PTPRG: variants seen among roughly 807,000 people sequenced by gnomAD.
PTPRG encodes protein tyrosine phosphatase receptor type G.
In PTPRG, 102 loss-of-function variants were observed where a neutral mutation model predicts 165.3. The observed-to-expected ratio is 0.62, with a 90% CI of 0.53 to 0.73. The LOEUF (loss-of-function observed/expected upper bound fraction) is 0.73, where lower values mean the gene tolerates loss of function less well. PTPRG is among the 30% of genes least tolerant of loss of function. PTPRG has a pLI of 0.00. For synonymous variants in PTPRG, 675 were observed against 669.5 expected, an observed-to-expected ratio of 1.01 and a Z score of -0.13; for missense variants, 1,866 against 1,861.4, an observed-to-expected ratio of 1.00 and a Z score of -0.05.
chr3:61,936,310 G>A (rs2039483798), intron 2 of PTPRG, among the ~76,000 whole-genome samples: 1 of 152,220 alleles, frequency 6.6e-6, no homozygotes, highest in Non-Finnish European at 1.5e-5. Flanking sequence ...TCCTCTTTAA[G>A]TGAGGTGAGT....
rs777785938 is a variant in PTPRG at position 62,296,435 on chromosome 3, A to G, written c.*3128A>G. ...TCTTAAATGCATATATACTGTATTT[A>G]AAATTAAAATATAGATACCAATTTA... On this transcript the variant is annotated 3_prime_UTR_variant, in exon 30 of 30. Transcript: ENST00000474889. 6 of 152,010 alleles carry G rather than the reference A, an allele frequency of 3.9e-5. No individual in the cohort carries two copies. Among genetic ancestry groups the G allele is most frequent in the Non-Finnish European group, 5.9e-5 (4 of 67,974 alleles). 9.4% of individuals were successfully genotyped at this position (152,010 alleles called of 1,614,324 possible).
At position 62,219,965 on chromosome 3, in the gene PTPRG, A is replaced by G. The variant is rs969106616; in HGVS notation, c.2288+982A>G. 6.6e-6 allele frequency among the ~76,000 whole-genome samples: 1 copy of G among 152,246 alleles called. No individual in the cohort carries two copies. Among genetic ancestry groups the G allele is most frequent in the Non-Finnish European group, 1.5e-5 (1 of 68,034 alleles). On this transcript the variant is annotated intron_variant, in intron 13 of 29. Coordinates refer to ENST00000474889, the MANE Select transcript of PTPRG (RefSeq NM_002841.4). This position sits in a 1 kb window ranked among gnomAD's most constrained non-coding sequence, Gnocchi z 4.5. ...TTAAATCTGGAAAGGGGAGGGGCCCATGGGGGCCTAGCAGGAGTGTTCAGA... is the reference window on the plus strand; with the variant it reads ...TTAAATCTGGAAAGGGGAGGGGCCCGTGGGGGCCTAGCAGGAGTGTTCAGA...
chr3:62,187,576 C>T (rs897246717), intron 8 of PTPRG, among the ~76,000 whole-genome samples: 2 of 152,196 alleles, frequency 1.3e-5, no homozygotes, highest in African/African-American at 4.8e-5. Flanking sequence ...CTTTGTGCTT[C>T]AAAGGTGGAA....
intron 23 of PTPRG, among the ~76,000 whole-genome samples, chr3:62,274,617 T>C (rs148626665): frequency 3.3e-5 from 5 of 152,176 alleles, no homozygotes; most frequent in Non-Finnish European, 7.4e-5. Flanking sequence ...ATCTACAGTT[T>C]TAGTTTTCAT....
chr3:62,050,040 C>G (rs575138854), intron 4 of PTPRG, among the ~76,000 whole-genome samples: 1 of 152,144 alleles, frequency 6.6e-6, no homozygotes, highest in East Asian at 1.9e-4. Flanking sequence ...TGGATGTTAG[C>G]AGTATCAGAA....
rs751312575 is a variant in PTPRG, at chr3:62,195,219, C to T, written c.1327+49C>T. ...GGCCGGGGTGCCCCTGAGACTCCCT[C>T]CCAATGCTTTCTGCTTCTTCCTGCT... On this transcript the variant is annotated intron_variant, in intron 10 of 29. Coordinates refer to ENST00000474889, the MANE Select transcript of PTPRG (RefSeq NM_002841.4). The surrounding 1 kb of genome is among the most constrained non-coding windows in gnomAD (Gnocchi z 4.4). 29 of 1,489,212 alleles carry T rather than the reference C, an allele frequency of 1.9e-5. No individual in the cohort carries two copies. The highest frequency in any genetic ancestry group is 3.4e-4 in the Middle Eastern group (2 of 5,848). The allele number at this position is 1,489,212 out of a possible 1,614,324, so 92.2% of individuals were successfully genotyped here. A position where few individuals can be genotyped will look rare whatever the true frequency, so the allele number is the denominator to read the frequency against.
At chr3:62,202,012 A>G (rs1045043928) in intron 11 of PTPRG, among the ~76,000 whole-genome samples, 2 of 152,190 alleles carry the variant, frequency 1.3e-5, no homozygotes, top group Non-Finnish European at 2.9e-5. Context: ...TGATAATAAT[A>G]ATAGCCTAAA....
At position 61,728,325 on chromosome 3, in the gene PTPRG, T is replaced by G. The variant is rs572820851; in HGVS notation, c.86-20553T>G. ...AGCTATGCATGGTGGTGCACATTTG[T>G]GATCCCAACACTTTGGAAGGCTGAG... is the stretch of plus-strand genomic sequence containing the variant. On this transcript the variant is annotated intron_variant, in intron 1 of 29. Transcript: ENST00000474889. Among the ~76,000 whole-genome samples, 59 of 152,308 alleles carry G rather than the reference T, an allele frequency of 3.9e-4. 1 individual carries two copies. The highest frequency in any genetic ancestry group is 1.4e-3 in the South Asian group (7 of 4,828).
chr3:62,007,469 A>G (rs138075729), intron 4 of PTPRG, among the ~76,000 whole-genome samples: 8 of 152,352 alleles, frequency 5.3e-5, no homozygotes, highest in South Asian at 4.1e-4. Flanking sequence ...TCAGATTACA[A>G]TGCCATGCCT....
chr3:61,806,290 G>A (rs1312602532), intron 2 of PTPRG, among the ~76,000 whole-genome samples: 1 of 152,118 alleles, frequency 6.6e-6, no homozygotes, highest in Admixed American at 6.6e-5. Flanking sequence ...ATAATGTGTT[G>A]GCGAGAAAGA....
intron 8 of PTPRG, among the ~76,000 whole-genome samples, chr3:62,180,101 G>A (rs148720340): frequency 1.6e-4 from 25 of 152,238 alleles, no homozygotes; most frequent in African/African-American, 6.0e-4. Flanking sequence ...AACAAATGAG[G>A]GCACCTTAAC....
chr3:61,672,749 AGAGGGAGAGGGAGAAGAG>A (rs1354584980), intron 1 of PTPRG, among the ~76,000 whole-genome samples: 3 of 128,832 alleles, frequency 2.3e-5, no homozygotes, highest in Admixed American at 1.5e-4. Flanking sequence ...AGGGAGAGGG[AGAGGGAGAGGGAGAAGAG>A]GGAGAGGGAG....
chr3:61,860,530 T>G (rs1341050275), intron 2 of PTPRG, among the ~76,000 whole-genome samples: 2 of 137,228 alleles, frequency 1.5e-5, no homozygotes, highest in African/African-American at 5.3e-5. Context: ...AACCTCTGCC[T>G]CCCAGGTTCA....
rs144250648 is a variant in PTPRG at position 61,778,436 on chromosome 3, C to G, written c.190+29454C>G. Among the ~76,000 whole-genome samples, 56 of 152,232 alleles carry G rather than the reference C, an allele frequency of 3.7e-4. No homozygotes were observed. The East Asian group carries it at 9.7e-3, about 26-fold the overall frequency. On this transcript the variant is annotated intron_variant, in intron 2 of 29. Coordinates refer to ENST00000474889, the MANE Select transcript of PTPRG (RefSeq NM_002841.4). ...AAAAGCAACTAATCAGAGATACTTT[C>G]AATTTTCCATCTGCTATGCAGAAAA...
intron 1 of PTPRG, among the ~76,000 whole-genome samples, chr3:61,681,875 C>A (rs1041138585): frequency 1.3e-5 from 2 of 152,034 alleles, no homozygotes; most frequent in Non-Finnish European, 2.9e-5. Flanking sequence ...AGTGGCCGGG[C>A]GCAGTGGCTC....
At chr3:61,880,024 A>G (rs1388656721) in intron 2 of PTPRG, among the ~76,000 whole-genome samples, 1 of 152,230 alleles carries the variant, frequency 6.6e-6, no homozygotes, top group African/African-American at 2.4e-5. Flanking sequence ...TTCCTTTGAC[A>G]GGTCCCTTTG....
At chr3:61,669,454 T>C (rs1442293041) in intron 1 of PTPRG, among the ~76,000 whole-genome samples, 1 of 152,184 alleles carries the variant, frequency 6.6e-6, no homozygotes, top group Non-Finnish European at 1.5e-5. Context: ...GGCTTAACAG[T>C]GTCTGCAGGG....
intron 1 of PTPRG, among the ~76,000 whole-genome samples, chr3:61,682,087 T>C (rs1299532558): frequency 7.0e-6 from 1 of 142,816 alleles, no homozygotes; most frequent in African/African-American, 2.6e-5. Flanking sequence ...AGGCAGAGGT[T>C]GCAGTGAGCC....
chr3:62,276,669 A>G (rs1252833214), intron 24 of PTPRG: 2 of 312,632 alleles, frequency 6.4e-6, no homozygotes, highest in Non-Finnish European at 1.2e-5. Context: ...ACTAGAGTCA[A>G]AAGTTATCTA....
Sources: allele counts gnomAD v4.1 joint callset (sites outside exome capture counted in the v4.1 genomes callset), GRCh38; gene constraint gnomAD v4.1.1; non-coding constraint Gnocchi (gnomAD v3.1); transcripts MANE v1.5; gene names NCBI Gene and HGNC (gene_info 2026-07-23, HGNC 2026-07-21).